DKK3: variants seen among roughly 807,000 people sequenced by gnomAD.
DKK3 encodes the protein dickkopf-related protein 3.
Under a neutral mutation model 33.2 loss-of-function variants are expected in DKK3, and 22 were observed. That is an observed-to-expected ratio of 0.66 (90% confidence interval 0.47 to 0.95). DKK3 has a LOEUF of 0.95. DKK3 is among the 40% of genes least tolerant of loss of function. The probability of loss-of-function intolerance (pLI) is 0.00; values close to 1 mark genes in which losing one functional copy is unlikely to be tolerated. For missense variants in DKK3, 398 were observed against 458.4 expected, an observed-to-expected ratio of 0.87 and a Z score of 1.20; for synonymous variants, 194 against 188.8, an observed-to-expected ratio of 1.03 and a Z score of -0.23.
intron 4 of DKK3, 90 bp from the exon 5 acceptor site, chr11:11,967,188 A>G (rs1240218090): frequency 6.8e-7 from 1 of 1,464,672 alleles, no homozygotes; most frequent in African/African-American, 1.4e-5. Context: ...AGATAGGCCA[A>G]CCTGCATCCT....
At position 11,965,846 on chromosome 11, in the gene DKK3, A is replaced by ATCGG; in HGVS notation, c.789_792dup (p.Cys265ProfsTer30). The ATCGG allele has an allele frequency of 6.2e-7, 1 of 1,614,174 alleles. No individual in the cohort carries two copies. Among genetic ancestry groups the ATCGG allele is most frequent in the Non-Finnish European group, 8.5e-7 (1 of 1,180,038 alleles). Reference sequence around the variant, plus strand: ...CAGAGGAGGCCACTGGCACAAGGGCATCGGTCCAAGGCTCCATCAGGCTCT... The same window carrying ATCGG: ...CAGAGGAGGCCACTGGCACAAGGGCATCGGTCGGTCCAAGGCTCCATCAGGCTCT... On this transcript the variant is annotated frameshift_variant, in exon 6 of 7. Coordinates refer to ENST00000683431, the MANE Select transcript of DKK3 (RefSeq NM_001018057.2). LOFTEE classifies it high-confidence loss of function.
At chr11:11,972,981 G>C (rs1847756327) in intron 3 of DKK3, among the ~76,000 whole-genome samples, 1 of 151,968 alleles carries the variant, frequency 6.6e-6, no homozygotes, top group South Asian at 2.1e-4. Flanking sequence ...TCTGGGCTTG[G>C]GGTCTTGTTT....
At chr11:11,966,363 A>C (rs1847594535) in intron 5 of DKK3, among the ~76,000 whole-genome samples, 1 of 152,180 alleles carries the variant, frequency 6.6e-6, no homozygotes, top group South Asian at 2.1e-4. Flanking sequence ...AGGGCAAGTA[A>C]GTTGGAGCTG....
chr11:11,980,022 G>C (rs1291320046), intron 3 of DKK3: 4 of 152,326 alleles, frequency 2.6e-5, no homozygotes, highest in Admixed American at 2.0e-4. Context: ...GACCCGGGGA[G>C]AGGGAGGCCT....
At chr11:12,009,493 C>A, upstream of DKK3, 1 of 927,742 alleles carries the variant, frequency 1.1e-6, no homozygotes, top group Non-Finnish European at 1.3e-6. Context: ...TCCTCTTCTG[C>A]CTCAGCGACC....
intron 1 of DKK3, among the ~76,000 whole-genome samples, chr11:12,004,060 C>T (rs981413584): frequency 3.9e-5 from 6 of 152,164 alleles, no homozygotes; most frequent in East Asian, 1.9e-4. Flanking sequence ...ATAGCCCCCA[C>T]GTTTGGGGCA....
chr11:11,983,850 T>C (rs1169539551), intron 3 of DKK3, among the ~76,000 whole-genome samples: 1 of 152,270 alleles, frequency 6.6e-6, no homozygotes, highest in African/African-American at 2.4e-5. Flanking sequence ...ACAATGCTGG[T>C]AATCAGAATC....
chr11:11,964,426 T>C lies in DKK3; in HGVS notation c.*38A>G, dbSNP rs769041396. 7.5e-6 allele frequency: 12 copies of C among 1,595,946 alleles called. No homozygotes were observed. The highest frequency in any genetic ancestry group is 9.4e-6 in the Non-Finnish European group (11 of 1,174,898). Reference sequence around the variant, plus strand: ...CACACACCTGGGGAAATAAATTAGCTATTTCTATTGCACATCTACCCACAG... The same window carrying C: ...CACACACCTGGGGAAATAAATTAGCCATTTCTATTGCACATCTACCCACAG... On this transcript the variant is annotated 3_prime_UTR_variant, in exon 7 of 7. Transcript: ENST00000683431.
At chr11:12,009,612 G>A (rs1848616509), upstream of DKK3, 2 of 985,808 alleles carry the variant, frequency 2.0e-6, no homozygotes, top group African/African-American at 1.7e-5. Flanking sequence ...GAGGTTGGGG[G>A]TAGGGGGAAT....
At chr11:11,983,025 G>C (rs1019340048) in intron 3 of DKK3, among the ~76,000 whole-genome samples, 1 of 152,182 alleles carries the variant, frequency 6.6e-6, no homozygotes, top group Admixed American at 6.5e-5. Context: ...GCATGCTTCT[G>C]TTTTTCAGTA....
At chr11:11,982,167 G>C (rs977542261) in intron 3 of DKK3, among the ~76,000 whole-genome samples, 3 of 152,176 alleles carry the variant, frequency 2.0e-5, no homozygotes, top group Non-Finnish European at 4.4e-5. Context: ...GGCGCTCCAG[G>C]GTAGTCGGAG....
At chr11:11,998,025 G>A in intron 3 of DKK3, among the ~76,000 whole-genome samples, 1 of 152,162 alleles carries the variant, frequency 6.6e-6, no homozygotes, top group Admixed American at 6.5e-5. Flanking sequence ...CACATCTTTG[G>A]GAAGATGAAG....
At chr11:11,982,040 C>A (rs545075171) in intron 3 of DKK3, among the ~76,000 whole-genome samples, 1 of 152,314 alleles carries the variant, frequency 6.6e-6, no homozygotes, top group African/African-American at 2.4e-5. Context: ...GCACCACCCC[C>A]ATTCCCAGCA....
chr11:12,008,412 C>A lies in DKK3; in HGVS notation c.171G>T (p.Leu57=). 6.2e-7 allele frequency: 1 copy of A among 1,610,176 alleles called. No individual in the cohort carries two copies. Among genetic ancestry groups the A allele is most frequent in the Non-Finnish European group, 8.5e-7 (1 of 1,179,062 alleles). ...LNEMFREVEE[L]MEDTQHKLRS... is the part of the protein sequence containing the mutation. ...GCAATTTGTGCTGCGTGTCCTCCAT[C>A]AGTTCCTCAACCTCGCGGAACATCT... The change falls in exon 1 of 7, where the codon CTG becomes CTT. Residue 57 remains leucine, a synonymous_variant. Coordinates refer to ENST00000683431, the MANE Select transcript of DKK3 (RefSeq NM_001018057.2). This position sits in a 1 kb window ranked among gnomAD's most constrained non-coding sequence, Gnocchi z 4.6.
chr11:11,964,502 C>G lies in DKK3; in HGVS notation c.1015G>C (p.Ala339Pro), dbSNP rs750337720. Residue 339 changes from alanine to proline, a missense_variant, in exon 7 of 7, where the codon GCT becomes CCT. Physicochemically the swap from Ala to Pro is conservative, Grantham distance 27 (BLOSUM62 -1). Coordinates refer to ENST00000683431, the MANE Select transcript of DKK3 (RefSeq NM_001018057.2). Reference protein sequence around the residue: ...TEEMALREPAAAAAALLGGEE... With the variant: ...TEEMALREPAPAAAALLGGEE... ...CCTCCCAGCAGTGCAGCGGCGGCAG[C>G]CGCAGGCTCCCTCAGCGCCATCTCT... 1 of 1,613,598 alleles carries G rather than the reference C, an allele frequency of 6.2e-7. No individual in the cohort carries two copies. Among genetic ancestry groups the G allele is most frequent in the Non-Finnish European group, 8.5e-7 (1 of 1,180,040 alleles).
At chr11:12,007,457 G>A (rs1848560806) in intron 1 of DKK3, among the ~76,000 whole-genome samples, 1 of 152,200 alleles carries the variant, frequency 6.6e-6, no homozygotes, top group African/African-American at 2.4e-5. Context: ...AGAGAGGGCT[G>A]GGCCAGTGAC....
chr11:11,963,681 A>C lies in DKK3; in HGVS notation c.*783T>G, dbSNP rs993853120. 6.6e-6 allele frequency: 1 copy of C among 152,236 alleles called. No individual in the cohort carries two copies. Among genetic ancestry groups the C allele is most frequent in the South Asian group, 2.1e-4 (1 of 4,834 alleles). 9.4% of individuals were successfully genotyped at this position (152,236 alleles called of 1,614,324 possible). ...CCCATTCTCCTTCCTTTTGGGGAGC[A>C]CTTTTGGTGGCACCAAGGCTGGTGT... On this transcript the variant is annotated 3_prime_UTR_variant, in exon 7 of 7. Transcript: ENST00000683431.
chr11:11,973,320 C>T (rs1181036554), intron 3 of DKK3, among the ~76,000 whole-genome samples: 1 of 152,196 alleles, frequency 6.6e-6, no homozygotes, highest in Non-Finnish European at 1.5e-5. Flanking sequence ...GGGGAGATCA[C>T]CATTTCTCTC....
intron 3 of DKK3, among the ~76,000 whole-genome samples, chr11:11,987,985 C>G (rs1405318283): frequency 5.3e-5 from 8 of 152,164 alleles, no homozygotes; most frequent in Non-Finnish European, 1.5e-5. Flanking sequence ...AAACACCATT[C>G]TCCAGACATG....
Sources: gnomAD v4.1 joint callset for allele counts (sites outside exome capture counted in the v4.1 genomes callset) on GRCh38, gnomAD v4.1.1 for gene constraint, Gnocchi (gnomAD v3.1) non-coding constraint, MANE v1.5 for transcripts, NCBI Gene and HGNC (gene_info 2026-07-23, HGNC 2026-07-21) for gene names.